OR2AT4: variants seen among roughly 807,000 people sequenced by gnomAD.
The protein encoded by OR2AT4 is olfactory receptor family 2 subfamily AT member 4, also known as olfactory receptor 2AT4.
OR2AT4 carries 6 observed loss-of-function variants against 10.3 expected under a neutral mutation model. The observed-to-expected ratio is 0.58, with a 90% CI of 0.32 to 1.15. The LOEUF is 1.15. OR2AT4 is among the 50% of genes most tolerant of loss of function. The probability of loss-of-function intolerance (pLI) is 0.05; values close to 1 mark genes in which losing one functional copy is unlikely to be tolerated. For synonymous variants in OR2AT4, 145 were observed against 159.1 expected (o/e 0.91, Z 0.67); for missense variants, 354 against 393.8 (o/e 0.90, Z 0.85).
chr11:75,095,623 T>A (rs913769995), intron 1 of OR2AT4, among the ~76,000 whole-genome samples: 1 of 151,580 alleles, frequency 6.6e-6, no homozygotes, highest in African/African-American at 2.4e-5. Flanking sequence ...TGCTGATAAA[T>A]CATCAAATAG....
In OR2AT4 at chr11:75,089,027, T is replaced by C. The variant is rs111801887; in HGVS notation, c.687A>G (p.Ser229=). ...CTTCTAGGGAACTGATGCGAAGCAC[T>C]GAGGCCAGGATGTGGACATAGGAGA... Residue 229 remains serine, a synonymous_variant, in exon 2 of 2, where the codon TCA becomes TCG. Transcript: ENST00000641504. 8,942 of 1,614,032 alleles carry C rather than the reference T, an allele frequency of 5.5e-3. 399 individuals are homozygous for C. The African/African-American group carries it at 0.1, about 19-fold the overall frequency.
chr11:75,088,789 T>C (rs1949301822), exon 2 of OR2AT4: 1 of 1,584,596 alleles, frequency 6.3e-7, no homozygotes, highest in African/African-American at 1.3e-5. Flanking sequence ...TGAGACATGA[T>C]TTTGGTGATG....
At chr11:75,083,606 A>T (rs1014600871) in exon 2 of OR2AT4, 13 of 152,252 alleles carry the variant, frequency 8.5e-5, no homozygotes, top group Non-Finnish European at 1.9e-4. Context: ...TGTTCATTGC[A>T]TTAGTATTCA....
chr11:75,085,030 G>A (rs1949283405), exon 2 of OR2AT4: 1 of 151,970 alleles, frequency 6.6e-6, no homozygotes, highest in Non-Finnish European at 1.5e-5. Context: ...AAAATATAAA[G>A]ATTAGAGGAA....
At chr11:75,084,881 C>T (rs965299649) in exon 2 of OR2AT4, 6 of 151,978 alleles carry the variant, frequency 3.9e-5, no homozygotes, top group Admixed American at 3.9e-4. Flanking sequence ...TGTGAAGTTG[C>T]TAATGCAGGA....
exon 2 of OR2AT4, chr11:75,087,771 T>A (rs1949297454): frequency 6.6e-6 from 1 of 152,216 alleles, no homozygotes; most frequent in Admixed American, 6.5e-5. Flanking sequence ...AGTGCTTCTG[T>A]TTATTTTAAA....
chr11:75,086,294 T>C (rs946162685), exon 2 of OR2AT4: 1 of 152,174 alleles, frequency 6.6e-6, no homozygotes, highest in African/African-American at 2.4e-5. Flanking sequence ...TATTTAGATA[T>C]GTTATCAAAC....
intron 1 of OR2AT4, among the ~76,000 whole-genome samples, chr11:75,094,257 G>A (rs1236871938): frequency 6.6e-5 from 10 of 151,714 alleles, no homozygotes; most frequent in African/African-American, 2.2e-4. Flanking sequence ...TTCTATCGTC[G>A]GTTCCCTGGA....
exon 2 of OR2AT4, chr11:75,085,666 G>A (rs960081464): frequency 9.2e-5 from 14 of 151,916 alleles, no homozygotes; most frequent in Admixed American, 9.2e-4. Flanking sequence ...CAACCAAATG[G>A]GGTTCATCCC....
intron 1 of OR2AT4, among the ~76,000 whole-genome samples, chr11:75,092,674 G>A (rs1429219109): frequency 6.6e-6 from 1 of 152,070 alleles, no homozygotes; most frequent in African/African-American, 2.4e-5. Flanking sequence ...GGCTGGGCAT[G>A]GTGGCTCACA....
At chr11:75,088,898 G>A in exon 2 of OR2AT4, 1 of 1,614,044 alleles carries the variant, frequency 6.2e-7, no homozygotes, top group Non-Finnish European at 8.5e-7. Context: ...GGAAGTCAAG[G>A]GGCAGGTCAG....
exon 2 of OR2AT4, chr11:75,081,995 A>T (rs992848771): frequency 5.9e-5 from 9 of 152,196 alleles, no homozygotes; most frequent in African/African-American, 1.9e-4. Flanking sequence ...CAAACTACCA[A>T]CATCATTTTT....
intron 1 of OR2AT4, among the ~76,000 whole-genome samples, chr11:75,092,870 G>A (rs1158852844): frequency 6.6e-6 from 1 of 151,544 alleles, no homozygotes; most frequent in Admixed American, 6.6e-5. Context: ...GGCAGGCTGA[G>A]GCGGGCGGAT....
exon 2 of OR2AT4, chr11:75,088,775 G>T: frequency 6.3e-7 from 1 of 1,576,790 alleles, no homozygotes; most frequent in Non-Finnish European, 8.6e-7. Context: ...CACAGCCTGG[G>T]TCTTGAGACA....
chr11:75,089,139 G>T, exon 2 of OR2AT4: 1 of 1,614,110 alleles, frequency 6.2e-7, no homozygotes, highest in Non-Finnish European at 8.5e-7. Flanking sequence ...AGAGCAGGAG[G>T]CCTGGACCAC....
chr11:75,092,960 C>T (rs1320375974), intron 1 of OR2AT4, among the ~76,000 whole-genome samples: 1 of 152,028 alleles, frequency 6.6e-6, no homozygotes, highest in African/African-American at 2.4e-5. Flanking sequence ...ATTAGCTGGG[C>T]ATGGTAGCAC....
At chr11:75,082,776 G>A (rs1949272440) in exon 2 of OR2AT4, 1 of 152,142 alleles carries the variant, frequency 6.6e-6, no homozygotes, top group African/African-American at 2.4e-5. Context: ...ACAACCTACA[G>A]AATGGGAGAA....
chr11:75,092,903 C>T (rs538997107), intron 1 of OR2AT4, among the ~76,000 whole-genome samples: 34 of 151,578 alleles, frequency 2.2e-4, no homozygotes, highest in Non-Finnish European at 4.1e-4. Context: ...AGTTTGAGAC[C>T]AGCCTGACCA....
rs559758309 is a variant in OR2AT4, at chr11:75,095,184, A to G, written c.-652+1644T>C. 2.6e-5 allele frequency among the ~76,000 whole-genome samples: 4 copies of G among 152,330 alleles called. No homozygotes were observed. In the South Asian group the frequency reaches 8.3e-4, roughly 32 times the overall value. On this transcript the variant is annotated intron_variant, in intron 1 of 1. Transcript: ENST00000641504. ...GGTCAACCAACAAATTCATAGCAGA[A>G]GTAGGTTTTAAAGCCGGTGTCCTGG...
Sources: gnomAD v4.1 joint callset for allele counts (sites outside exome capture counted in the v4.1 genomes callset) on GRCh38, gnomAD v4.1.1 for gene constraint, MANE v1.5 for transcripts, NCBI Gene and HGNC (gene_info 2026-07-23, HGNC 2026-07-21) for gene names.